The following PDE9A variants were observed in gnomAD, a reference collection of about 807,000 sequenced individuals.
PDE9A encodes phosphodiesterase 9A.
PDE9A carries 60 observed loss-of-function variants against 87.4 expected under a neutral mutation model. That is an observed-to-expected ratio of 0.69 (90% confidence interval 0.56 to 0.85). The LOEUF (loss-of-function observed/expected upper bound fraction) is 0.85, where lower values mean the gene tolerates loss of function less well. Ranked by LOEUF, PDE9A falls within the 40% of genes least tolerant of loss-of-function variation. The pLI is 0.00. For missense variants in PDE9A, 665 were observed against 779.0 expected (o/e 0.85, Z 1.74); for synonymous variants, 272 against 279.4 (o/e 0.97, Z 0.27).
chr21:42,740,540 A>T (rs2053025626), intron 7 of PDE9A, among the ~76,000 whole-genome samples: 1 of 151,978 alleles, frequency 6.6e-6, no homozygotes, highest in South Asian at 2.1e-4. Flanking sequence ...GATAAATAGA[A>T]CATAGGTAGA....
chr21:42,713,495 C>T (rs1488591466), intron 4 of PDE9A, among the ~76,000 whole-genome samples: 1 of 152,206 alleles, frequency 6.6e-6, no homozygotes, highest in African/African-American at 2.4e-5. Context: ...GCTGTCTATG[C>T]TTAAATGGGA....
intron 1 of PDE9A, among the ~76,000 whole-genome samples, chr21:42,662,942 GCACACGCACAT>G (rs1421176404): frequency 1.9e-5 from 2 of 105,318 alleles, no homozygotes; most frequent in Non-Finnish European, 3.8e-5. Context: ...TGCACACCAC[GCACACGCACAT>G]CACATGCACA....
intron 4 of PDE9A, among the ~76,000 whole-genome samples, chr21:42,718,373 C>T (rs2050159548): frequency 6.6e-6 from 1 of 151,838 alleles, no homozygotes; most frequent in African/African-American, 2.4e-5. Context: ...TCAGCCATTA[C>T]GTGTTATATG....
intron 4 of PDE9A, among the ~76,000 whole-genome samples, chr21:42,715,397 CA>C (rs1423272151): frequency 6.6e-6 from 1 of 152,126 alleles, no homozygotes; most frequent in Admixed American, 6.5e-5. Flanking sequence ...GAGGCCAAGG[CA>C]GGCAGATCAC....
rs1025558695 is a variant in PDE9A at position 42,687,906 on chromosome 21, G to A, written c.141-11G>A. 6.8e-6 allele frequency: 11 copies of A among 1,612,276 alleles called. No individual in the cohort carries two copies. The highest frequency in any genetic ancestry group is 8.5e-6 in the Non-Finnish European group (10 of 1,179,354). ...TATGGGCGAAAACACGGGCTTGGGT[G>A]TGTTTTCCAGGAACACGACCATCTC... On this transcript the variant is annotated splice_polypyrimidine_tract_variant and intron_variant, in intron 2 of 19. Transcript: ENST00000291539.
At chr21:42,670,552 CCACACATT>C (rs1310941280) in intron 1 of PDE9A, among the ~76,000 whole-genome samples, 4 of 150,906 alleles carry the variant, frequency 2.7e-5, no homozygotes, top group Non-Finnish European at 5.9e-5. Flanking sequence ...GTACACTTAC[CCACACATT>C]CACACATACA....
chr21:42,690,000 G>A lies in PDE9A; in HGVS notation c.218+2006G>A, dbSNP rs536143960. 54 of 985,442 alleles carry A rather than the reference G, an allele frequency of 5.5e-5. No individual in the cohort carries two copies. In the East Asian group the frequency reaches 4.3e-3, roughly 79 times the overall value. 61.0% of individuals were successfully genotyped at this position (985,442 alleles called of 1,614,324 possible). On this transcript the variant is annotated intron_variant, in intron 3 of 19. Transcript: ENST00000291539. ...ACAGGTGAAGAAGATGGAGACACACGCGGATGAGGATACAGGTGAAGAAGG... is the reference window on the plus strand; with the variant it reads ...ACAGGTGAAGAAGATGGAGACACACACGGATGAGGATACAGGTGAAGAAGG...
intron 4 of PDE9A, among the ~76,000 whole-genome samples, chr21:42,721,274 A>AG (rs765658782): frequency 1.3e-5 from 2 of 152,180 alleles, no homozygotes; most frequent in African/African-American, 2.4e-5. Flanking sequence ...TGAAAATGAA[A>AG]GGGAAAAAAC....
In PDE9A at chr21:42,692,893, G is replaced by A. The variant is rs34277211; in HGVS notation, c.218+4899G>A. 7.9e-5 allele frequency among the ~76,000 whole-genome samples: 12 copies of A among 152,290 alleles called. No individual in the cohort carries two copies. The highest frequency in any genetic ancestry group is 3.4e-3 in the Middle Eastern group (1 of 294). ...CGCACTCTTCCTGCACCGGAGCCGC[G>A]GTGCGAGGCCTCGGGAATGCTCACC... On this transcript the variant is annotated intron_variant, in intron 3 of 19. Coordinates refer to ENST00000291539, the MANE Select transcript of PDE9A (RefSeq NM_002606.3). This position sits in a 1 kb window ranked among gnomAD's most constrained non-coding sequence, Gnocchi z 4.3.
At chr21:42,686,487 C>G (rs1230414083) in intron 2 of PDE9A, among the ~76,000 whole-genome samples, 1 of 152,252 alleles carries the variant, frequency 6.6e-6, no homozygotes, top group Non-Finnish European at 1.5e-5. Context: ...AGGAAACCGT[C>G]GGGCTGAATT....
intron 8 of PDE9A, among the ~76,000 whole-genome samples, chr21:42,746,386 G>T (rs2053850508): frequency 6.6e-6 from 1 of 152,190 alleles, no homozygotes. Flanking sequence ...GTGCCAGCAG[G>T]CCCTGCCACC....
At chr21:42,670,274 CACATTCACACAT>C (rs1425337550) in intron 1 of PDE9A, among the ~76,000 whole-genome samples, 10 of 150,318 alleles carry the variant, frequency 6.7e-5, no homozygotes, top group African/African-American at 2.0e-4. Flanking sequence ...CACATATTCA[CACATTCACACAT>C]ACACATTCAC....
At chr21:42,768,136 C>A in intron 15 of PDE9A, 52 bp from the exon 16 acceptor site, 1 of 998,178 alleles carries the variant, frequency 1.0e-6, no homozygotes, top group Non-Finnish European at 1.5e-6. Flanking sequence ...GCAGCAGCAG[C>A]AGGCCCGTGT....
chr21:42,661,023 A>T (rs2057441628), intron 1 of PDE9A, among the ~76,000 whole-genome samples: 1 of 148,324 alleles, frequency 6.7e-6, no homozygotes, highest in African/African-American at 2.5e-5. Context: ...TTTGCTTTAG[A>T]TTCTCTGCCA....
At chr21:42,710,119 C>G (rs531437965) in intron 4 of PDE9A, among the ~76,000 whole-genome samples, 36 of 152,244 alleles carry the variant, frequency 2.4e-4, no homozygotes, top group African/African-American at 8.2e-4. Context: ...AAGAAACTGC[C>G]AAGCTGGGCC....
In PDE9A at chr21:42,660,345, C is replaced by T. The variant is rs957979775; in HGVS notation, c.69+6462C>T. Reference sequence around the variant, plus strand: ...TCCCTCCAGCTTCCAGGAGCAGGTGCGGGGCCTGCAGGGACGGCTCGCAGA... The same window carrying T: ...TCCCTCCAGCTTCCAGGAGCAGGTGTGGGGCCTGCAGGGACGGCTCGCAGA... On this transcript the variant is annotated intron_variant, in intron 1 of 19. Coordinates refer to ENST00000291539, the MANE Select transcript of PDE9A (RefSeq NM_002606.3). This position sits in a 1 kb window ranked among gnomAD's most constrained non-coding sequence, Gnocchi z 4.7. 1.3e-5 allele frequency among the ~76,000 whole-genome samples: 2 copies of T among 152,126 alleles called. No individual in the cohort carries two copies. The highest frequency in any genetic ancestry group is 2.9e-5 in the Non-Finnish European group (2 of 67,996).
intron 9 of PDE9A, among the ~76,000 whole-genome samples, chr21:42,752,907 A>C (rs754645501): frequency 1.6e-4 from 24 of 152,236 alleles, no homozygotes; most frequent in Admixed American, 1.6e-3. Flanking sequence ...GGCAGAAACC[A>C]GGAATGGGTT....
chr21:42,764,931 ACAT>A (rs1233006924), intron 14 of PDE9A, among the ~76,000 whole-genome samples: 1 of 152,030 alleles, frequency 6.6e-6, no homozygotes, highest in Admixed American at 6.6e-5. Context: ...GAAGAGGAAA[ACAT>A]CATACCTGGC....
rs768686692 is a variant in PDE9A at position 42,695,665 on chromosome 21, G to GCCT, written c.219-3290_219-3288dup. ...TTTCTATATTCCAGAATGGCTCCAG[G>GCCT]CCTCCTCCTCCTCCTATTAAATGTG... On this transcript the variant is annotated intron_variant, in intron 3 of 19. Transcript: ENST00000291539. The surrounding 1 kb of genome is among the most constrained non-coding windows in gnomAD (Gnocchi z 4.3). Among the ~76,000 whole-genome samples the GCCT allele has an allele frequency of 3.3e-5, 5 of 152,238 alleles. No homozygotes were observed. The highest frequency in any genetic ancestry group is 3.4e-3 in the Middle Eastern group (1 of 294).
Sources: allele counts gnomAD v4.1 joint callset (sites outside exome capture counted in the v4.1 genomes callset), GRCh38; gene constraint gnomAD v4.1.1; non-coding constraint Gnocchi (gnomAD v3.1); transcripts MANE v1.5; gene names NCBI Gene and HGNC (gene_info 2026-07-23, HGNC 2026-07-21).